CLUH: variants seen among roughly 807,000 people sequenced by gnomAD.
The protein encoded by CLUH is clustered mitochondria protein homolog.
A neutral mutation model predicts 139.3 loss-of-function variants in CLUH; 77 were observed. That is an observed-to-expected ratio of 0.55 (90% CI 0.46 to 0.67). The LOEUF is 0.67. CLUH is among the 30% of genes least tolerant of loss of function. CLUH has a pLI of 0.00. For missense variants in CLUH, 1,876 were observed against 1,875.8 expected, an observed-to-expected ratio of 1.00 and a Z score of 0.00; for synonymous variants, 999 against 801.6, an observed-to-expected ratio of 1.25 and a Z score of -4.16.
chr17:2,691,439 G>A, intron 25 of CLUH, 170 bp downstream of exon 25: 1 of 665,146 alleles, frequency 1.5e-6, no homozygotes. Flanking sequence ...GCGGACACCT[G>A]TAATCCCAGC....
chr17:2,695,464 C>T lies in CLUH; in HGVS notation c.2454G>A (p.Met818Ile), dbSNP rs1271846459. The T allele has an allele frequency of 6.2e-7, 1 of 1,611,360 alleles. No homozygotes were observed. The highest frequency in any genetic ancestry group is 8.5e-7 in the Non-Finnish European group (1 of 1,179,768). The change falls in exon 14 of 26, where the codon ATG (methionine) becomes ATA (isoleucine). Residue 818 changes from methionine (M) to isoleucine (I), a missense_variant. Around this residue, in one of 3 missense-constraint regions of CLUH, gnomAD observed 1,454 missense variants for 1,384.4 expected, o/e 1.05. Transcript: ENST00000651024. ...AGCGCATGTTGATGCCCCGCTGGCG[C>T]ATCACCTCTGCCAGCGTTGCCCCGT... ...PVDGATLAEV[M>I]RQRGINMRYL...
intron 10 of CLUH, 73 bp downstream of exon 10, chr17:2,697,823 C>T: frequency 1.5e-6 from 2 of 1,372,368 alleles, no homozygotes; most frequent in Non-Finnish European, 1.9e-6. Context: ...AAGGACCCAA[C>T]CCCGGATCCA....
rs370762382 is a variant in CLUH, at chr17:2,711,756, G to T, written c.-95C>A. 26 of 427,032 alleles carry T rather than the reference G, an allele frequency of 6.1e-5. No homozygotes were observed. The highest frequency in any genetic ancestry group is 4.8e-4 in the East Asian group (3 of 6,294). 26.5% of individuals were successfully genotyped at this position (427,032 alleles called of 1,614,324 possible). ...GCGCCGCGGCTGCTGAGGGAAGGAC[G>T]GAGTCACCGGCCCACGTGGTGCGCG... is the stretch of plus-strand genomic sequence containing the variant. On this transcript the variant is annotated 5_prime_UTR_variant, in exon 1 of 26. Transcript: ENST00000651024.
intron 13 of CLUH, chr17:2,695,892 G>A (rs1032999392): frequency 1.7e-6 from 1 of 586,842 alleles, no homozygotes; most frequent in Non-Finnish European, 3.0e-6. Context: ...CCCCCACTGA[G>A]CTCTGGCCCC....
chr17:2,692,888 G>A (rs1378423044), intron 19 of CLUH, 28 bp from the exon 20 acceptor site: 5 of 1,549,962 alleles, frequency 3.2e-6, no homozygotes, highest in African/African-American at 1.4e-5. Context: ...TGGTTGCCGC[G>A]GCGTGGGAAC....
intron 1 of CLUH, among the ~76,000 whole-genome samples, chr17:2,705,646 A>G (rs2070329159): frequency 6.6e-6 from 1 of 151,954 alleles, no homozygotes; most frequent in Non-Finnish European, 1.5e-5. Context: ...TCCCCCTTTC[A>G]TTCCCAGAGA....
Position 2,694,239 on chromosome 17 carries a change from T to C in CLUH, c.2975A>G (p.Lys992Arg). ...LKEYSFDSRH[K>R]PAFTEEDVLN... Reference sequence around the variant, plus strand: ...CACGTCCTCCTCGGTGAACGCGGGCTTGTGGCGACTGTCGAAGCTGTACTC... The same window carrying C: ...CACGTCCTCCTCGGTGAACGCGGGCCTGTGGCGACTGTCGAAGCTGTACTC... The change falls in exon 18 of 26, where the codon AAG becomes AGG. Residue 992 changes from lysine (K) to arginine (R), a missense_variant. By Grantham distance (26) the Lys-to-Arg change is conservative (BLOSUM62 2). This residue lies in a region of CLUH where 1,454 missense variants were observed against 1,384.4 expected (regional missense o/e 1.05). Transcript: ENST00000651024. The C allele has an allele frequency of 6.2e-7, 1 of 1,609,486 alleles. No homozygotes were observed. The highest frequency in any genetic ancestry group is 8.5e-7 in the Non-Finnish European group (1 of 1,177,464).
At chr17:2,697,745 G>T (rs1440158258) in intron 10 of CLUH, 151 bp downstream of exon 10, 1 of 756,692 alleles carries the variant, frequency 1.3e-6, no homozygotes, top group Non-Finnish European at 2.0e-6. Context: ...AGCAGGGCAG[G>T]TGGGGACGGG....
rs1164204703 is a variant in CLUH, at chr17:2,698,316, T to C, written c.1541A>G (p.Asp514Gly). 1 of 1,612,806 alleles carries C rather than the reference T, an allele frequency of 6.2e-7. No individual in the cohort carries two copies. Among genetic ancestry groups the C allele is most frequent in the Non-Finnish European group, 8.5e-7 (1 of 1,179,690 alleles). Reference sequence around the variant, plus strand: ...GGCCGTGACCCGGTAGCCGCGGTAATCCACCACCACCGTGCCCAGCGTGTA... The same window carrying C: ...GGCCGTGACCCGGTAGCCGCGGTAACCCACCACCACCGTGCCCAGCGTGTA... ...GLYTLGTVVV[D>G]YRGYRVTAQS... is the part of the protein sequence containing the mutation. Residue 514 changes from aspartate to glycine, a missense_variant, in exon 10 of 26, where the codon GAT becomes GGT. Coordinates refer to ENST00000651024, the MANE Select transcript of CLUH (RefSeq NM_001366661.1).
At chr17:2,694,694 C>G in intron 16 of CLUH, 130 bp from the exon 17 acceptor site, 1 of 1,328,398 alleles carries the variant, frequency 7.5e-7, no homozygotes. Flanking sequence ...GGGAGCCTCC[C>G]GGCTGCCCTC....
In CLUH at chr17:2,706,438, A is replaced by G. The variant is rs2070352438; in HGVS notation, c.101-1874T>C. ...GACTCCCTCCTGCAGCCCGCACCCTACGCCGCGGCACTCCCTCAACTCTGG... is the reference window on the plus strand; with the variant it reads ...GACTCCCTCCTGCAGCCCGCACCCTGCGCCGCGGCACTCCCTCAACTCTGG... On this transcript the variant is annotated intron_variant, in intron 1 of 25. Transcript: ENST00000651024. This position sits in a 1 kb window ranked among gnomAD's most constrained non-coding sequence, Gnocchi z 4.6. 6.6e-6 allele frequency among the ~76,000 whole-genome samples: 1 copy of G among 151,966 alleles called. No individual in the cohort carries two copies. Among genetic ancestry groups the G allele is most frequent in the Non-Finnish European group, 1.5e-5 (1 of 67,978 alleles).
At chr17:2,691,922 C>CCCCGCCCCGCCCCCG (rs769234682) in intron 23 of CLUH, 27 bp from the exon 24 acceptor site, 2 of 71,586 alleles carry the variant, frequency 2.8e-5, no homozygotes, top group Non-Finnish European at 6.6e-5. Context: ...AGGGATCAGG[C>CCCCGCCCCGCCCCCG]CCCCCCGTGC....
chr17:2,709,025 A>G (rs2151727076), intron 1 of CLUH, among the ~76,000 whole-genome samples: 1 of 152,324 alleles, frequency 6.6e-6, no homozygotes, highest in East Asian at 1.9e-4. Flanking sequence ...GTGCCCCAAC[A>G]GCACTCTGCA....
Position 2,704,332 on chromosome 17 carries a change from TG to T in CLUH, c.303+29del. On this transcript the variant is annotated intron_variant, in intron 2 of 25. Transcript: ENST00000651024. This position sits in a 1 kb window ranked among gnomAD's most constrained non-coding sequence, Gnocchi z 5.7. ...TCACCCTCCCCAGCAGGCTCAGGCC[TG>T]GCCCCCAGCACCCGTTCCTCCATCT... 6.3e-7 allele frequency: 1 copy of T among 1,596,248 alleles called. No individual in the cohort carries two copies. Among genetic ancestry groups the T allele is most frequent in the Non-Finnish European group, 8.5e-7 (1 of 1,170,886 alleles).
At chr17:2,691,292 G>A (rs116604643) in intron 25 of CLUH, among the ~76,000 whole-genome samples, 1,568 of 152,068 alleles carry the variant, frequency 0.01, 24 homozygotes, top group African/African-American at 0.03. Flanking sequence ...GGCCGGGCGC[G>A]ATGGCTCACG....
intron 1 of CLUH, among the ~76,000 whole-genome samples, chr17:2,705,721 A>G (rs951777777): frequency 6.6e-6 from 1 of 152,162 alleles, no homozygotes; most frequent in Non-Finnish European, 1.5e-5. Flanking sequence ...TATCTTGCCC[A>G]GGCTCAACAA....
rs375245155 is a variant in CLUH, at chr17:2,704,497, G to A, written c.168C>T (p.Ala56=). The change falls in exon 2 of 26, where the codon GCC becomes GCT. Residue 56 remains alanine, a synonymous_variant. Transcript: ENST00000651024. The surrounding 1 kb of genome is among the most constrained non-coding windows in gnomAD (Gnocchi z 5.7). The stretch of plus-strand genomic sequence containing the variant: ...CAAGCCCATTTTCCCTGGGTGGCTC[G>A]GCCGCCGCCGCCTCCTTCTTCAGGC... The part of the protein sequence containing the change: ...PESLKKEAAA[A]EPPRENGLDE... 4.1e-5 allele frequency: 65 copies of A among 1,587,624 alleles called. No homozygotes were observed. The highest frequency in any genetic ancestry group is 2.6e-4 in the South Asian group (23 of 87,188).
chr17:2,694,822 T>TGCCCCCCCC, intron 16 of CLUH, 35 bp downstream of exon 16: 74 of 1,346,318 alleles, frequency 5.5e-5, no homozygotes, highest in Non-Finnish European at 7.3e-5. Context: ...ATCTGCCCAA[T>TGCCCCCCCC]CCCACCCACC....
Position 2,692,753 on chromosome 17 carries a change from CCGGCGCGGG to C in CLUH, c.3312+18_3312+26del. On this transcript the variant is annotated intron_variant, in intron 20 of 25. Coordinates refer to ENST00000651024, the MANE Select transcript of CLUH (RefSeq NM_001366661.1). ...CCGCGGACCCAGCCCCTCGCATCCC[CCGGCGCGGG>C]CGGCACTCGCGACTCACGTATTCCT... 2 of 1,599,256 alleles carry C rather than the reference CCGGCGCGGG, an allele frequency of 1.3e-6. No individual in the cohort carries two copies. Among genetic ancestry groups the C allele is most frequent in the South Asian group, 1.1e-5 (1 of 90,152 alleles).
Sources: gnomAD v4.1 joint callset for allele counts (sites outside exome capture counted in the v4.1 genomes callset) on GRCh38, gnomAD v4.1.1 for gene constraint, gnomAD v4.1.1 regional missense constraint, Gnocchi (gnomAD v3.1) non-coding constraint, MANE v1.5 for transcripts, NCBI Gene and HGNC (gene_info 2026-07-23, HGNC 2026-07-21) for gene names.